Variants in INSYN2B observed in about 807,000 individuals in gnomAD.
INSYN2B encodes protein INSYN2B.
Under a neutral mutation model 41.2 loss-of-function variants are expected in INSYN2B, and 16 were observed. The observed-to-expected ratio is 0.39, with a 90% CI of 0.26 to 0.59. INSYN2B has a LOEUF of 0.59. INSYN2B is among the 20% of genes least tolerant of loss of function. The pLI is 0.57. For synonymous variants in INSYN2B, 245 were observed against 244.4 expected (o/e 1.00, Z -0.02); for missense variants, 608 against 646.4 (o/e 0.94, Z 0.64).
At chr5:169,955,213 G>T (rs905255957) in intron 1 of INSYN2B, among the ~76,000 whole-genome samples, 2 of 152,212 alleles carry the variant, frequency 1.3e-5, no homozygotes, top group African/African-American at 4.8e-5. Context: ...GTTCAGAGTG[G>T]TCCTGCAGGA....
intron 1 of INSYN2B, among the ~76,000 whole-genome samples, chr5:169,929,607 G>T (rs552580257): frequency 6.6e-6 from 1 of 152,144 alleles, no homozygotes; most frequent in Non-Finnish European, 1.5e-5. Flanking sequence ...GCTGAGTGTG[G>T]TGGCACATGC....
chr5:169,902,839 C>T (rs1275406821), intron 1 of INSYN2B, among the ~76,000 whole-genome samples: 1 of 152,108 alleles, frequency 6.6e-6, no homozygotes, highest in Non-Finnish European at 1.5e-5. Flanking sequence ...GTGGCTCACG[C>T]CTGTAATCCC....
rs192624236 is a variant in INSYN2B at position 169,928,672 on chromosome 5, C to T, written c.-918-43856G>A. Among the ~76,000 whole-genome samples the T allele has an allele frequency of 4.2e-4, 64 of 152,290 alleles. 1 individual carries two copies. Among genetic ancestry groups the T allele is most frequent in the African/African-American group, 1.5e-3 (62 of 41,564 alleles). On this transcript the variant is annotated intron_variant, in intron 1 of 3. Coordinates refer to ENST00000377365, the MANE Select transcript of INSYN2B (RefSeq NM_001129891.3). ...GCAGAGAGATCTAAATACATCCAAA[C>T]TGTTGAAGCGTAAAGCATTAGAAAA...
chr5:169,888,527 C>T (rs765869296), intron 1 of INSYN2B, among the ~76,000 whole-genome samples: 5 of 152,210 alleles, frequency 3.3e-5, no homozygotes, highest in Non-Finnish European at 5.9e-5. Context: ...TCAGTAGATA[C>T]AGAAACATTG....
At chr5:169,959,239 A>G (rs1474550652) in intron 1 of INSYN2B, among the ~76,000 whole-genome samples, 1 of 152,076 alleles carries the variant, frequency 6.6e-6, no homozygotes, top group East Asian at 1.9e-4. Flanking sequence ...AAAAATACAA[A>G]AAAAATAGCT....
intron 3 of INSYN2B, among the ~76,000 whole-genome samples, chr5:169,870,732 T>C (rs948759562): frequency 2.0e-5 from 3 of 152,142 alleles, no homozygotes; most frequent in Admixed American, 2.0e-4. Flanking sequence ...TAGGTCTGTG[T>C]TTTTATTTTA....
chr5:169,862,330 T>C lies in INSYN2B; in HGVS notation c.*1943A>G, dbSNP rs1434561327. On this transcript the variant is annotated 3_prime_UTR_variant, in exon 4 of 4. Transcript: ENST00000377365. The stretch of plus-strand genomic sequence containing the variant: ...CAGGGTTATTTACATTCTAGCATGA[T>C]GCCCGAGAATATAAATTCACATGAA... Among the ~76,000 whole-genome samples the C allele has an allele frequency of 6.6e-6, 1 of 152,232 alleles. No individual in the cohort carries two copies.
rs1772868004 is a variant in INSYN2B at position 169,884,702 on chromosome 5, T to C, written c.-804A>G. Reference sequence around the variant, plus strand: ...TGTGGTGTGTTGGCCGAAGTTCACATGTGGGCACGGTGAGCTACGTCTGCA... The same window carrying C: ...TGTGGTGTGTTGGCCGAAGTTCACACGTGGGCACGGTGAGCTACGTCTGCA... On this transcript the variant is annotated 5_prime_UTR_variant, in exon 2 of 4. It removes an upstream start codon present in the reference 5' UTR. Transcript: ENST00000377365. 6.6e-6 allele frequency: 1 copy of C among 152,450 alleles called. No individual in the cohort carries two copies. The allele number at this position is 152,450 out of a possible 1,614,324, so 9.4% of individuals were successfully genotyped here.
At chr5:169,908,188 A>G (rs544876454) in intron 1 of INSYN2B, among the ~76,000 whole-genome samples, 51 of 152,342 alleles carry the variant, frequency 3.3e-4, no homozygotes, top group African/African-American at 1.2e-3. Context: ...TACAGGCTGC[A>G]GGACAAATGT....
chr5:169,897,842 T>C (rs1005286444), intron 1 of INSYN2B, among the ~76,000 whole-genome samples: 2 of 152,214 alleles, frequency 1.3e-5, no homozygotes, highest in African/African-American at 4.8e-5. Flanking sequence ...TCTCCAGGTC[T>C]ATGTAATAGA....
chr5:169,866,124 A>G (rs1240719968), intron 3 of INSYN2B, among the ~76,000 whole-genome samples: 2 of 152,044 alleles, frequency 1.3e-5, no homozygotes, highest in East Asian at 3.9e-4. Flanking sequence ...AGCAAGACTG[A>G]TGGGGTGTTA....
intron 3 of INSYN2B, among the ~76,000 whole-genome samples, chr5:169,876,156 G>A (rs527578422): frequency 5.9e-5 from 9 of 152,088 alleles, no homozygotes. Flanking sequence ...TGATCCTCTG[G>A]CCTCCCTCTT....
intron 3 of INSYN2B, among the ~76,000 whole-genome samples, chr5:169,878,537 G>T (rs1193450070): frequency 6.6e-6 from 1 of 152,184 alleles, no homozygotes; most frequent in Non-Finnish European, 1.5e-5. Flanking sequence ...ACTGAGACCT[G>T]CTCTTTCTTT....
chr5:169,964,277 C>T (rs1441524124), intron 1 of INSYN2B, among the ~76,000 whole-genome samples: 3 of 152,146 alleles, frequency 2.0e-5, no homozygotes, highest in Admixed American at 2.0e-4. Context: ...TTGGGACTCC[C>T]GGACTCTGGC....
At chr5:169,953,461 C>T (rs139015251) in intron 1 of INSYN2B, among the ~76,000 whole-genome samples, 21 of 152,094 alleles carry the variant, frequency 1.4e-4, no homozygotes, top group Admixed American at 4.6e-4. Context: ...TCTCTAAACC[C>T]GCAATTCCCT....
At chr5:169,917,636 A>G (rs550393333) in intron 1 of INSYN2B, among the ~76,000 whole-genome samples, 25 of 152,340 alleles carry the variant, frequency 1.6e-4, no homozygotes, top group African/African-American at 5.8e-4. Flanking sequence ...GCGAAACACT[A>G]GAAAGTCCCA....
At chr5:169,869,961 C>T (rs1262999176) in intron 3 of INSYN2B, among the ~76,000 whole-genome samples, 3 of 152,182 alleles carry the variant, frequency 2.0e-5, no homozygotes, top group African/African-American at 7.2e-5. Flanking sequence ...TTGCAGAACC[C>T]TGGCTTACAG....
chr5:169,973,156 G>T (rs1268613148), intron 1 of INSYN2B, among the ~76,000 whole-genome samples: 4 of 152,098 alleles, frequency 2.6e-5, no homozygotes, highest in Non-Finnish European at 5.9e-5. Context: ...TCTCTGGCTT[G>T]GTCACCCGAT....
Position 169,970,394 on chromosome 5 carries a change from C to T in INSYN2B, c.-919+9883G>A, listed in dbSNP as rs376860860. On this transcript the variant is annotated intron_variant, in intron 1 of 3. Transcript: ENST00000377365. ...GGTTCATTTATCCTGGGCATCTGGA[C>T]AGCCCCCTGGCTGAAATAAGGCTGG... Among the ~76,000 whole-genome samples the T allele has an allele frequency of 1.2e-4, 19 of 152,328 alleles. No homozygotes were observed. In the East Asian group the frequency reaches 1.7e-3, roughly 14 times the overall value.
Sources: allele counts gnomAD v4.1 joint callset (sites outside exome capture counted in the v4.1 genomes callset), GRCh38; gene constraint gnomAD v4.1.1; transcripts MANE v1.5; gene names NCBI Gene and HGNC (gene_info 2026-07-23, HGNC 2026-07-21).